ARL5A: variants seen among roughly 807,000 people sequenced by gnomAD.
The protein encoded by ARL5A is ADP-ribosylation factor-like protein 5A.
Under a neutral mutation model 25.9 loss-of-function variants are expected in ARL5A, and 18 were observed. The observed-to-expected ratio is 0.69, with a 90% CI of 0.48 to 1.03. The LOEUF is 1.03. ARL5A is among the 50% of genes least tolerant of loss of function. The pLI, the probability that ARL5A is intolerant of heterozygous loss-of-function variation, is 0.00. For synonymous variants in ARL5A, 61 were observed against 67.5 expected, an observed-to-expected ratio of 0.90 and a Z score of 0.47; for missense variants, 170 against 211.9, an observed-to-expected ratio of 0.80 and a Z score of 1.23.
At chr2:151,816,314 G>A (rs1289024163) in intron 1 of ARL5A, among the ~76,000 whole-genome samples, 1 of 152,138 alleles carries the variant, frequency 6.6e-6, no homozygotes, top group African/African-American at 2.4e-5. Context: ...GACAAATAAA[G>A]AAGCCATCTT....
intron 1 of ARL5A, among the ~76,000 whole-genome samples, chr2:151,826,118 C>T (rs1316886257): frequency 6.6e-6 from 1 of 151,994 alleles, no homozygotes; most frequent in Non-Finnish European, 1.5e-5. Context: ...AAGACTCCAT[C>T]TCAAAAAAAC....
chr2:151,809,629 C>A (rs546705353), intron 4 of ARL5A, among the ~76,000 whole-genome samples: 11 of 152,190 alleles, frequency 7.2e-5, no homozygotes, highest in Non-Finnish European at 1.3e-4. Context: ...CAACGGTGAT[C>A]TTTTGTACAT....
intron 1 of ARL5A, among the ~76,000 whole-genome samples, chr2:151,821,531 T>C (rs2099832308): frequency 6.6e-6 from 1 of 152,186 alleles, no homozygotes; most frequent in African/African-American, 2.4e-5. Context: ...ACCTACAAAC[T>C]ACATTCATTA....
At position 151,815,301 on chromosome 2, in the gene ARL5A, A is replaced by G. The variant is rs1578377560; in HGVS notation, c.47-102T>C. ...TGTATCTCACCCTTCTATCTATGGC[A>G]TAATTCAGTGCATGGCACTTTATAC... On this transcript the variant is annotated intron_variant, in intron 1 of 5. Coordinates refer to ENST00000295087, the MANE Select transcript of ARL5A (RefSeq NM_012097.4). The G allele has an allele frequency of 3.3e-6, 3 of 901,260 alleles. No homozygotes were observed. The East Asian group carries it at 7.8e-5, about 23-fold the overall frequency. The allele number at this position is 901,260 out of a possible 1,614,324, so 55.8% of individuals were successfully genotyped here.
chr2:151,815,809 A>G (rs543562421), intron 1 of ARL5A, among the ~76,000 whole-genome samples: 1 of 151,604 alleles, frequency 6.6e-6, no homozygotes, highest in African/African-American at 2.4e-5. Context: ...CTAGTCATTT[A>G]TTTTTTTTCA....
At chr2:151,818,564 A>G (rs1441537626) in intron 1 of ARL5A, among the ~76,000 whole-genome samples, 1 of 152,246 alleles carries the variant, frequency 6.6e-6, no homozygotes, top group Non-Finnish European at 1.5e-5. Flanking sequence ...GGTGCAAGCC[A>G]CTGTACCTGG....
chr2:151,817,950 G>A (rs2099831746), intron 1 of ARL5A, among the ~76,000 whole-genome samples: 2 of 152,206 alleles, frequency 1.3e-5, no homozygotes, highest in East Asian at 3.9e-4. Flanking sequence ...GAGTTGCAGT[G>A]AGCCAAGATC....
At position 151,828,194 on chromosome 2, in the gene ARL5A, C is replaced by CT. The variant is rs747870295; in HGVS notation, c.-19_-18insA. The CT allele has an allele frequency of 3.1e-5, 49 of 1,605,242 alleles. No homozygotes were observed. Among genetic ancestry groups the CT allele is most frequent in the Non-Finnish European group, 3.2e-5 (38 of 1,176,168 alleles). On this transcript the variant is annotated 5_prime_UTR_variant, in exon 1 of 6. Coordinates refer to ENST00000295087, the MANE Select transcript of ARL5A (RefSeq NM_012097.4). ...ATTCCCATTCTCGGGCAGCGGACCC[C>CT]CCCCCTCCAGACACCCGGGCCGCCT... is the stretch of plus-strand genomic sequence containing the variant.
intron 1 of ARL5A, among the ~76,000 whole-genome samples, chr2:151,825,881 T>A (rs1329372121): frequency 6.6e-6 from 1 of 151,546 alleles, no homozygotes; most frequent in Non-Finnish European, 1.5e-5. Context: ...TCCCAGCACT[T>A]TGGGAGCCCA....
At chr2:151,812,538 A>C (rs1476453355) in intron 3 of ARL5A, 98 bp from the exon 4 acceptor site, 1 of 729,124 alleles carries the variant, frequency 1.4e-6, no homozygotes, top group Non-Finnish European at 2.1e-6. Flanking sequence ...AATATCAAGA[A>C]ATTGGAATCT....
intron 1 of ARL5A, among the ~76,000 whole-genome samples, chr2:151,819,573 T>C (rs768495710): frequency 6.6e-6 from 1 of 152,172 alleles, no homozygotes; most frequent in African/African-American, 2.4e-5. Context: ...GGAAAAACTA[T>C]ATAGCCTCCT....
At chr2:151,822,006 C>T (rs765672103) in intron 1 of ARL5A, among the ~76,000 whole-genome samples, 10 of 151,892 alleles carry the variant, frequency 6.6e-5, no homozygotes, top group Non-Finnish European at 1.2e-4. Flanking sequence ...CGCACCACCA[C>T]GCCCAGCTAA....
chr2:151,826,120 C>CA (rs941903371), intron 1 of ARL5A, among the ~76,000 whole-genome samples: 4 of 151,716 alleles, frequency 2.6e-5, no homozygotes, highest in African/African-American at 4.8e-5. Flanking sequence ...GACTCCATCT[C>CA]AAAAAAACAA....
At chr2:151,812,956 G>A (rs750226561) in intron 3 of ARL5A, among the ~76,000 whole-genome samples, 1 of 152,114 alleles carries the variant, frequency 6.6e-6, no homozygotes, top group Non-Finnish European at 1.5e-5. Context: ...AGTATCGCCT[G>A]CTACCTGCAA....
chr2:151,813,438 T>C (rs2099831117), intron 3 of ARL5A, among the ~76,000 whole-genome samples: 1 of 152,218 alleles, frequency 6.6e-6, no homozygotes, highest in African/African-American at 2.4e-5. Flanking sequence ...AGCATATGTA[T>C]ACAGTAGCAT....
chr2:151,810,548 T>C (rs1167800506), intron 4 of ARL5A: 2 of 445,900 alleles, frequency 4.5e-6, no homozygotes, highest in Non-Finnish European at 9.0e-6. Flanking sequence ...CCTACTTAGG[T>C]CTTCTTTTTA....
rs1449002865 is a variant in ARL5A, at chr2:151,799,807, T to C, written c.*3469A>G. 1 of 152,054 alleles carries C rather than the reference T, an allele frequency of 6.6e-6. No individual in the cohort carries two copies. Among genetic ancestry groups the C allele is most frequent in the Non-Finnish European group, 1.5e-5 (1 of 68,012 alleles). The allele number at this position is 152,054 out of a possible 1,614,324, so 9.4% of individuals were successfully genotyped here. On this transcript the variant is annotated 3_prime_UTR_variant, in exon 6 of 6. Coordinates refer to ENST00000295087, the MANE Select transcript of ARL5A (RefSeq NM_012097.4). ...AGAAAAGCTACATAGAAACCACTGG[T>C]TTGGAAACCATTGTCTATAACAATA...
At chr2:151,814,484 G>C (rs2099831246) in intron 2 of ARL5A, among the ~76,000 whole-genome samples, 168 bp from the exon 3 acceptor site, 1 of 152,070 alleles carries the variant, frequency 6.6e-6, no homozygotes, top group African/African-American at 2.4e-5. Context: ...GCTGGAACTA[G>C]GTCGTAGGCT....
intron 4 of ARL5A, among the ~76,000 whole-genome samples, chr2:151,811,973 A>AGTCTGCT (rs2099830903): frequency 1.3e-5 from 2 of 152,244 alleles, no homozygotes; most frequent in South Asian, 4.1e-4. Flanking sequence ...TTTAAATATT[A>AGTCTGCT]GTCTGCTGAG....
Sources: allele counts gnomAD v4.1 joint callset (sites outside exome capture counted in the v4.1 genomes callset), GRCh38; gene constraint gnomAD v4.1.1; transcripts MANE v1.5; gene names NCBI Gene and HGNC (gene_info 2026-07-23, HGNC 2026-07-21).